Variants in AKAP19 observed in about 807,000 individuals in gnomAD.
AKAP19 encodes A-kinase anchoring protein 19.
At chr2:190,157,365 T>TACACACACACACACACAC in the AKAP19 span, among the ~76,000 whole-genome samples, 1,560 of 117,006 alleles carry the variant, frequency 0.013, 24 homozygotes, top group African/African-American at 0.023. Context: ...CCTAAACTTG[T>TACACACACACACACACAC]ATACACACAC....
At chr2:190,181,490 TA>T in the AKAP19 span, 2 of 152,260 alleles carry the variant, frequency 1.3e-5, no homozygotes, top group African/African-American at 4.8e-5. Context: ...ATGAGCAAAG[TA>T]TTAGCTCTCG....
chr2:189,930,663 G>C, the AKAP19 span: 6 of 333,736 alleles, frequency 1.8e-5, no homozygotes, highest in South Asian at 3.7e-5. Flanking sequence ...GTGACAAGAA[G>C]GAAACTCCCT....
the AKAP19 span, among the ~76,000 whole-genome samples, chr2:190,196,241 C>G: frequency 6.6e-6 from 1 of 151,848 alleles, no homozygotes; most frequent in Non-Finnish European, 1.5e-5. Flanking sequence ...AGTGGCTGCT[C>G]TATGTTTTAA....
chr2:190,108,310 C>T, the AKAP19 span, among the ~76,000 whole-genome samples: 1 of 152,170 alleles, frequency 6.6e-6, no homozygotes, highest in East Asian at 1.9e-4. Context: ...CATGCACCAA[C>T]ACGCCCGGCT....
the AKAP19 span, among the ~76,000 whole-genome samples, chr2:189,922,964 A>G: frequency 1.4e-4 from 21 of 152,262 alleles, no homozygotes; most frequent in Non-Finnish European, 7.4e-5. Flanking sequence ...AGCCTGGACA[A>G]CACGTTGAAA....
At chr2:190,108,934 A>T in the AKAP19 span, among the ~76,000 whole-genome samples, 2,071 of 152,288 alleles carry the variant, frequency 0.014, 48 homozygotes, top group African/African-American at 0.047. Flanking sequence ...GGTTGGCAAA[A>T]TTCTTGTGTG....
At chr2:189,887,440 A>G in the AKAP19 span, among the ~76,000 whole-genome samples, 1 of 152,202 alleles carries the variant, frequency 6.6e-6, no homozygotes, top group African/African-American at 2.4e-5. Context: ...ATAAACCTAC[A>G]TGTGCATGTG....
At chr2:189,912,805 G>T in the AKAP19 span, among the ~76,000 whole-genome samples, 2 of 152,076 alleles carry the variant, frequency 1.3e-5, no homozygotes, top group African/African-American at 4.8e-5. Flanking sequence ...TGTTTTTCTT[G>T]ATTCTTTTGA....
the AKAP19 span, among the ~76,000 whole-genome samples, chr2:190,141,193 T>C: frequency 2.0e-5 from 3 of 152,238 alleles, no homozygotes; most frequent in Non-Finnish European, 2.9e-5. Flanking sequence ...TCCTGTCTTC[T>C]GAGCCTCCCA....
At chr2:189,987,352 C>A in the AKAP19 span, among the ~76,000 whole-genome samples, 3 of 152,216 alleles carry the variant, frequency 2.0e-5, no homozygotes, top group Admixed American at 2.0e-4. Flanking sequence ...TCCAATTAAA[C>A]CTCTTTTTCT....
the AKAP19 span, chr2:190,060,192 A>G: frequency 2.5e-6 from 4 of 1,613,036 alleles, no homozygotes; most frequent in South Asian, 1.1e-5. Context: ...CTTCACATCA[A>G]TGCTCTGCCA....
At chr2:190,107,844 C>T in the AKAP19 span, among the ~76,000 whole-genome samples, 2 of 152,174 alleles carry the variant, frequency 1.3e-5, no homozygotes, top group African/African-American at 4.8e-5. Context: ...GACTAGACTA[C>T]CTAGATTTTA....
chr2:190,006,654 A>T, the AKAP19 span, among the ~76,000 whole-genome samples: 1 of 147,190 alleles, frequency 6.8e-6, no homozygotes, highest in Admixed American at 6.8e-5. Flanking sequence ...AAAAAAAAAA[A>T]AGCTAGCTAT....
chr2:190,057,470 C>T, the AKAP19 span: 4 of 1,613,522 alleles, frequency 2.5e-6, no homozygotes, highest in Non-Finnish European at 3.4e-6. Flanking sequence ...CAGTAATTGG[C>T]CTTATATCTT....
At chr2:190,045,294 G>T in the AKAP19 span, among the ~76,000 whole-genome samples, 1 of 152,094 alleles carries the variant, frequency 6.6e-6, no homozygotes, top group Non-Finnish European at 1.5e-5. Flanking sequence ...GGTCAGCTTG[G>T]ACTCTCCAAA....
chr2:189,923,621 G>A, the AKAP19 span: 1 of 1,614,114 alleles, frequency 6.2e-7, no homozygotes, highest in Non-Finnish European at 8.5e-7. Flanking sequence ...AGGAAAAGCA[G>A]GTGTGAAACG....
chr2:190,019,280 T>G, the AKAP19 span, among the ~76,000 whole-genome samples: 1 of 151,966 alleles, frequency 6.6e-6, no homozygotes, highest in African/African-American at 2.4e-5. Context: ...GGGAAGAGCT[T>G]GGGGTGGTCT....
At chr2:190,071,462 A>G in the AKAP19 span, among the ~76,000 whole-genome samples, 1 of 152,194 alleles carries the variant, frequency 6.6e-6, no homozygotes, top group East Asian at 1.9e-4. Context: ...AGTAACATGC[A>G]GTAGTGGTTT....
chr2:189,902,934 T>C, the AKAP19 span, among the ~76,000 whole-genome samples: 3 of 151,750 alleles, frequency 2.0e-5, no homozygotes, highest in African/African-American at 4.8e-5. Context: ...CTTAAAGAGA[T>C]GATGAGATAA....
Sources: allele counts gnomAD v4.1 joint callset (sites outside exome capture counted in the v4.1 genomes callset), GRCh38; gene constraint gnomAD v4.1.1; transcripts MANE v1.5; gene names NCBI Gene and HGNC (gene_info 2026-07-23, HGNC 2026-07-21).